The following PDE4D variants were observed in gnomAD, a reference collection of about 807,000 sequenced individuals.
The protein encoded by PDE4D is 3',5'-cyclic-AMP phosphodiesterase 4D.
In PDE4D, 24 loss-of-function variants were observed where a neutral mutation model predicts 87.4. The ratio of observed to expected loss-of-function variants is 0.27; its 90% CI spans 0.20 to 0.39. PDE4D has a LOEUF of 0.39. Among genes scored for constraint, PDE4D ranks in the 10% least tolerant of loss-of-function variants. The pLI, the probability that PDE4D is intolerant of heterozygous loss-of-function variation, is 1.00. For missense variants in PDE4D, 714 were observed against 1,041.0 expected (o/e 0.69, Z 4.32); for synonymous variants, 384 against 383.2 (o/e 1.00, Z -0.02).
chr5:60,402,466 C>T (rs892211669), intron 1 of PDE4D, among the ~76,000 whole-genome samples: 1 of 152,214 alleles, frequency 6.6e-6, no homozygotes, highest in African/African-American at 2.4e-5. Flanking sequence ...CAGTAATTGG[C>T]TCTACCCTTG....
intron 5 of PDE4D, among the ~76,000 whole-genome samples, chr5:59,170,849 T>C (rs907358212): frequency 2.0e-5 from 3 of 152,148 alleles, no homozygotes; most frequent in Non-Finnish European, 4.4e-5. Context: ...ACATTCACAG[T>C]GCTGTAATGA....
intron 1 of PDE4D, among the ~76,000 whole-genome samples, chr5:59,771,259 A>G (rs1028642071): frequency 1.3e-5 from 2 of 151,736 alleles, no homozygotes; most frequent in African/African-American, 2.4e-5. Flanking sequence ...TTGACATGAA[A>G]AAGTGCAGCC....
At chr5:60,131,101 A>G (rs1395674645) in intron 2 of PDE4D, among the ~76,000 whole-genome samples, 1 of 151,790 alleles carries the variant, frequency 6.6e-6, no homozygotes, top group African/African-American at 2.4e-5. Context: ...CCTCATTCAC[A>G]CTCTCTAATC....
intron 1 of PDE4D, among the ~76,000 whole-genome samples, chr5:59,466,925 G>C (rs932897407): frequency 6.6e-6 from 1 of 152,160 alleles, no homozygotes; most frequent in African/African-American, 2.4e-5. Context: ...TTTGTACGTT[G>C]AAGTCCTCGT....
At chr5:60,425,612 A>G (rs1743637480) in intron 1 of PDE4D, among the ~76,000 whole-genome samples, 1 of 152,222 alleles carries the variant, frequency 6.6e-6, no homozygotes. Flanking sequence ...CATTCAGGAC[A>G]CAGGCATGGG....
intron 1 of PDE4D, among the ~76,000 whole-genome samples, chr5:60,449,077 A>G (rs1164964769): frequency 2.8e-4 from 34 of 123,616 alleles, no homozygotes; most frequent in Non-Finnish European, 3.4e-4. Flanking sequence ...CCGCGCACAC[A>G]CACACACACA....
intron 2 of PDE4D, among the ~76,000 whole-genome samples, chr5:60,124,490 T>C (rs777535706): frequency 4.6e-5 from 7 of 152,122 alleles, no homozygotes; most frequent in South Asian, 4.1e-4. Flanking sequence ...AGAAAACAAT[T>C]TTTCTCTGCA....
At chr5:60,097,159 T>C (rs1427966127) in intron 2 of PDE4D, among the ~76,000 whole-genome samples, 1 of 151,938 alleles carries the variant, frequency 6.6e-6, no homozygotes, top group African/African-American at 2.4e-5. Context: ...GTCTTGTCCA[T>C]GGCAAAGATG....
chr5:59,502,210 T>C (rs72767794), intron 1 of PDE4D, among the ~76,000 whole-genome samples: 32,307 of 152,062 alleles, frequency 0.21, 4,280 homozygotes, highest in Non-Finnish European at 0.3. Context: ...AACTAATAGG[T>C]AGATTAAACT....
intron 5 of PDE4D, among the ~76,000 whole-genome samples, chr5:59,148,686 G>A (rs16889276): frequency 0.13 from 19,531 of 151,830 alleles, 1,340 homozygotes; most frequent in African/African-American, 0.16. Flanking sequence ...TAGGAACTCC[G>A]TAGATGATAG....
intron 1 of PDE4D, among the ~76,000 whole-genome samples, chr5:60,299,197 A>G (rs998590318): frequency 1.2e-4 from 18 of 152,196 alleles, no homozygotes; most frequent in East Asian, 1.9e-4. Flanking sequence ...GCTGTGACCA[A>G]CTTGTCACTA....
rs550545915 is a variant in PDE4D, at chr5:59,958,319, A to T, written c.272+30169T>A. Among the ~76,000 whole-genome samples the T allele has an allele frequency of 3.3e-5, 5 of 152,232 alleles. 1 individual carries two copies. In the South Asian group the frequency reaches 1.0e-3, roughly 32 times the overall value. On this transcript the variant is annotated intron_variant, in intron 3 of 16. Coordinates refer to the PDE4D transcript ENST00000502484. ...CTTGGGCAAATAATATTTCCCTTGG[A>T]TGTAATAATGCCATTCTCTTTTGGC... is the stretch of plus-strand genomic sequence containing the variant.
At chr5:59,395,069 T>C (rs1203599039) in intron 1 of PDE4D, among the ~76,000 whole-genome samples, 1 of 152,182 alleles carries the variant, frequency 6.6e-6, no homozygotes. Flanking sequence ...CGCACCTGGC[T>C]GGGAGGGTCC....
intron 1 of PDE4D, among the ~76,000 whole-genome samples, chr5:59,360,290 A>C (rs1244488469): frequency 1.3e-5 from 2 of 152,202 alleles, no homozygotes; most frequent in East Asian, 1.9e-4. Flanking sequence ...AGAAATAAGC[A>C]GTTACATCAG....
chr5:59,479,739 C>T (rs114368740), intron 1 of PDE4D, among the ~76,000 whole-genome samples: 1,902 of 152,062 alleles, frequency 0.013, 35 homozygotes, highest in African/African-American at 0.04. Flanking sequence ...TAAAATAAAC[C>T]GTATTTTTAC....
chr5:59,081,320 A>C (rs919581244), intron 5 of PDE4D, among the ~76,000 whole-genome samples: 2 of 152,128 alleles, frequency 1.3e-5, no homozygotes, highest in African/African-American at 4.8e-5. Flanking sequence ...TTCAGAAGAG[A>C]AAGTCAAATG....
At chr5:59,697,332 A>C (rs1222175522) in intron 1 of PDE4D, among the ~76,000 whole-genome samples, 1 of 152,216 alleles carries the variant, frequency 6.6e-6, no homozygotes, top group Non-Finnish European at 1.5e-5. Context: ...AATTGTGTTA[A>C]ATGCTATAAA....
At chr5:59,906,088 G>A (rs1465854214) in intron 3 of PDE4D, among the ~76,000 whole-genome samples, 1 of 152,108 alleles carries the variant, frequency 6.6e-6, no homozygotes, top group Non-Finnish European at 1.5e-5. Flanking sequence ...TCACTTATGC[G>A]ATGGCATTTG....
intron 5 of PDE4D, among the ~76,000 whole-genome samples, chr5:59,176,369 A>G (rs1477273564): frequency 6.6e-6 from 1 of 152,124 alleles, no homozygotes; most frequent in Non-Finnish European, 1.5e-5. Context: ...CCTGGCTAAC[A>G]CAGTGAAACC....
Sources: allele counts gnomAD v4.1 joint callset (sites outside exome capture counted in the v4.1 genomes callset), GRCh38; gene constraint gnomAD v4.1.1; transcripts MANE v1.5; gene names NCBI Gene and HGNC (gene_info 2026-07-23, HGNC 2026-07-21).